Variants in ZNF667 observed in about 807,000 individuals in gnomAD.
The protein encoded by ZNF667 is zinc finger protein 667.
Under a neutral mutation model 31.8 loss-of-function variants are expected in ZNF667, and 13 were observed. That is an observed-to-expected ratio of 0.41 (90% CI 0.27 to 0.65). The LOEUF (loss-of-function observed/expected upper bound fraction) is 0.65. Ranked by LOEUF, ZNF667 falls within the 30% of genes least tolerant of loss-of-function variation. The probability of loss-of-function intolerance (pLI) is 0.32; values close to 1 mark genes in which losing one functional copy is unlikely to be tolerated. For synonymous variants in ZNF667, 228 were observed against 247.1 expected (o/e 0.92, Z 0.73); for missense variants, 642 against 725.6 (o/e 0.88, Z 1.32).
At chr19:56,477,349 TCCGGGACC>T (rs1233210244), upstream of ZNF667, 1 of 138,904 alleles carries the variant, frequency 7.2e-6, no homozygotes, top group Non-Finnish European at 1.6e-5. Flanking sequence ...CGCACTCCCC[TCCGGGACC>T]CCGGGACCGC....
chr19:56,448,349 C>T (rs1043408895), intron 6 of ZNF667, among the ~76,000 whole-genome samples: 7 of 152,016 alleles, frequency 4.6e-5, no homozygotes, highest in African/African-American at 1.7e-4. Flanking sequence ...CAGCAAGTAC[C>T]CCCACCACAG....
intron 6 of ZNF667, among the ~76,000 whole-genome samples, chr19:56,457,589 T>C (rs889717434): frequency 6.6e-6 from 1 of 152,198 alleles, no homozygotes; most frequent in Non-Finnish European, 1.5e-5. Flanking sequence ...TGATACCTAG[T>C]AAGGGCTTAC....
chr19:56,441,877 A>G lies in ZNF667; in HGVS notation c.1118T>C (p.Leu373Pro). The change falls in exon 7 of 7, where the codon CTT becomes CCT. Residue 373 changes from leucine (L) to proline (P), a missense_variant. Transcript: ENST00000504904. This position sits in a 1 kb window ranked among gnomAD's most constrained non-coding sequence, Gnocchi z 4.2. ...CDKFFRRLST[L>P]ILHLRIHNGE... ...ATTATGAATTCTTAGATGCAGAATA[A>G]GGGTTGAAAGCCGCCTGAAGAACTT... 1 of 1,614,196 alleles carries G rather than the reference A, an allele frequency of 6.2e-7. No individual in the cohort carries two copies. Among genetic ancestry groups the G allele is most frequent in the Non-Finnish European group, 8.5e-7 (1 of 1,180,030 alleles).
At chr19:56,470,114 C>T (rs1448287931) in intron 3 of ZNF667, 2 of 440,708 alleles carry the variant, frequency 4.5e-6, no homozygotes, top group Non-Finnish European at 9.2e-6. Context: ...TTACCTCCCT[C>T]CTTTACATCT....
chr19:56,462,472 AG>A (rs2147787626), intron 3 of ZNF667, 43 bp from the exon 4 acceptor site: 1 of 1,315,056 alleles, frequency 7.6e-7, no homozygotes, highest in Non-Finnish European at 1.1e-6. Flanking sequence ...CAGAGTCCAC[AG>A]GCCCCTACCT....
chr19:56,471,098 G>A (rs1216133658), intron 3 of ZNF667, among the ~76,000 whole-genome samples: 1 of 151,990 alleles, frequency 6.6e-6, no homozygotes. Flanking sequence ...CATCCCTTTG[G>A]TGCTGTTCCC....
intron 4 of ZNF667, among the ~76,000 whole-genome samples, chr19:56,461,328 T>A (rs2043040701): frequency 6.6e-6 from 1 of 152,228 alleles, no homozygotes. Context: ...AAAGGTTCTT[T>A]GAGGGTATAA....
At chr19:56,466,854 T>G in intron 3 of ZNF667, 1 of 377,828 alleles carries the variant, frequency 2.6e-6, no homozygotes, top group Non-Finnish European at 5.3e-6. Flanking sequence ...CTTTAGTGAG[T>G]GCATCTGCAC....
In ZNF667 at chr19:56,442,575, C is replaced by G. The variant is rs763172057; in HGVS notation, c.420G>C (p.Gly140=). The part of the protein sequence containing the change: ...VLVKPKKGHS[G]KKPLKCNDCG... Reference sequence around the variant, plus strand: ...AGTCATTACATTTTAAAGGTTTCTTCCCTGAATGCCCTTTCTTAGGTTTTA... The same window carrying G: ...AGTCATTACATTTTAAAGGTTTCTTGCCTGAATGCCCTTTCTTAGGTTTTA... Residue 140 remains glycine, a synonymous_variant, in exon 7 of 7, where the codon GGG becomes GGC. Transcript: ENST00000504904. 1 of 1,614,098 alleles carries G rather than the reference C, an allele frequency of 6.2e-7. No homozygotes were observed. The highest frequency in any genetic ancestry group is 8.5e-7 in the Non-Finnish European group (1 of 1,180,002).
rs767042741 is a variant in ZNF667, at chr19:56,441,759, C to A, written c.1236G>T (p.Lys412Asn). 1 of 1,614,018 alleles carries A rather than the reference C, an allele frequency of 6.2e-7. No homozygotes were observed. Among genetic ancestry groups the A allele is most frequent in the Non-Finnish European group, 8.5e-7 (1 of 1,180,000 alleles). Residue 412 changes from lysine (K) to asparagine (N), a missense_variant, in exon 7 of 7, where the codon AAG becomes AAT. By Grantham distance (94) the Lys-to-Asn change is moderately conservative (BLOSUM62 0). Coordinates refer to ENST00000504904, the MANE Select transcript of ZNF667 (RefSeq NM_001321356.2). The surrounding 1 kb of genome is among the most constrained non-coding windows in gnomAD (Gnocchi z 4.2). ...CACATTCCTTACACTCAAATAGTTT[C>A]TTTTTCTTTGTATGAACTTTCTGAT... is the stretch of plus-strand genomic sequence containing the variant. ...IQHQKVHTKK[K>N]KLFECKECGK...
intron 6 of ZNF667, among the ~76,000 whole-genome samples, chr19:56,454,937 T>C (rs190462446): frequency 6.6e-6 from 1 of 152,134 alleles, no homozygotes; most frequent in African/African-American, 2.4e-5. Flanking sequence ...TGACAAGGGA[T>C]TGATAACCAT....
chr19:56,453,534 T>G (rs747880570), intron 6 of ZNF667, among the ~76,000 whole-genome samples: 8 of 152,220 alleles, frequency 5.3e-5, no homozygotes, highest in Non-Finnish European at 1.0e-4. Flanking sequence ...CCTGGATGCT[T>G]TGATATATGC....
At chr19:56,450,767 T>C (rs2042805589) in intron 6 of ZNF667, among the ~76,000 whole-genome samples, 1 of 152,210 alleles carries the variant, frequency 6.6e-6, no homozygotes, top group African/African-American at 2.4e-5. Flanking sequence ...TTTGCTTGTT[T>C]GTTGGTTTGT....
At chr19:56,453,693 A>C (rs1265630849) in intron 6 of ZNF667, among the ~76,000 whole-genome samples, 5 of 152,196 alleles carry the variant, frequency 3.3e-5, no homozygotes. Context: ...CAACACAATA[A>C]AAGCCGTATA....
chr19:56,470,874 A>G (rs1180730350), intron 3 of ZNF667, among the ~76,000 whole-genome samples: 1 of 152,184 alleles, frequency 6.6e-6, no homozygotes, highest in African/African-American at 2.4e-5. Flanking sequence ...GTTAGACCCT[A>G]GGACAACGGT....
At position 56,440,866 on chromosome 19, in the gene ZNF667, G is replaced by A. The variant is rs997645429; in HGVS notation, c.*296C>T. ...TCTCAAACTCTTGACCTCGTGATCC[G>A]CCTGTCTCAGCCTCCCAAAGTGCTG... On this transcript the variant is annotated 3_prime_UTR_variant, in exon 7 of 7. Transcript: ENST00000504904. 3.0e-5 allele frequency: 32 copies of A among 1,082,764 alleles called. No homozygotes were observed. The highest frequency in any genetic ancestry group is 2.9e-4 in the African/African-American group (18 of 61,676). 67.1% of individuals were successfully genotyped at this position (1,082,764 alleles called of 1,614,324 possible).
At chr19:56,465,574 G>A (rs1011804553) in intron 3 of ZNF667, among the ~76,000 whole-genome samples, 3 of 152,340 alleles carry the variant, frequency 2.0e-5, no homozygotes, top group South Asian at 2.1e-4. Context: ...CAGTTCTGAC[G>A]CCGTTTTCCA....
At chr19:56,473,727 G>A (rs954902579) in intron 2 of ZNF667, among the ~76,000 whole-genome samples, 1 of 152,106 alleles carries the variant, frequency 6.6e-6, no homozygotes, top group Admixed American at 6.5e-5. Flanking sequence ...AACATCAACT[G>A]CGCCAAGGCT....
At chr19:56,452,647 C>T (rs373851389) in intron 6 of ZNF667, among the ~76,000 whole-genome samples, 4 of 152,004 alleles carry the variant, frequency 2.6e-5, no homozygotes, top group South Asian at 4.2e-4. Flanking sequence ...AGCCTGGGCG[C>T]GGTGGCTCAC....
Sources: gnomAD v4.1 joint callset for allele counts (sites outside exome capture counted in the v4.1 genomes callset) on GRCh38, gnomAD v4.1.1 for gene constraint, Gnocchi (gnomAD v3.1) non-coding constraint, MANE v1.5 for transcripts, NCBI Gene and HGNC (gene_info 2026-07-23, HGNC 2026-07-21) for gene names.